Variants in GRIN2B observed in about 807,000 individuals in gnomAD.
GRIN2B encodes the protein glutamate ionotropic receptor NMDA type subunit 2B, also known as glutamate receptor ionotropic, NMDA 2B.
GRIN2B carries 5 observed loss-of-function variants against 114.5 expected under a neutral mutation model. That is an observed-to-expected ratio of 0.04 (90% CI 0.02 to 0.09). GRIN2B has a LOEUF of 0.09. GRIN2B is among the 10% of genes least tolerant of loss of function. The pLI is 1.00. For synonymous variants in GRIN2B, 787 were observed against 745.1 expected, an observed-to-expected ratio of 1.06 and a Z score of -0.92; for missense variants, 1,108 against 1,943.5, an observed-to-expected ratio of 0.57 and a Z score of 8.08.
At chr12:13,720,221 T>C (rs1950494975) in intron 4 of GRIN2B, among the ~76,000 whole-genome samples, 4 of 152,000 alleles carry the variant, frequency 2.6e-5, no homozygotes, top group Admixed American at 2.6e-4. Flanking sequence ...CTGGCATCTG[T>C]CACAGGGTGT....
intron 4 of GRIN2B, among the ~76,000 whole-genome samples, chr12:13,692,763 T>TC (rs59752187): frequency 1.0e-3 from 56 of 56,252 alleles, no homozygotes; most frequent in Admixed American, 1.4e-3. Context: ...TTCTTTTCTT[T>TC]TTTTTTTTTT....
chr12:13,679,032 G>A (rs1950103977), intron 4 of GRIN2B, among the ~76,000 whole-genome samples: 1 of 151,430 alleles, frequency 6.6e-6, no homozygotes, highest in Non-Finnish European at 1.5e-5. Flanking sequence ...GAAAAGGAAA[G>A]AGGAAGGAAA....
intron 6 of GRIN2B, 77 bp downstream of exon 6, chr12:13,616,378 C>T: frequency 9.5e-7 from 1 of 1,053,406 alleles, no homozygotes; most frequent in Non-Finnish European, 1.5e-6. Flanking sequence ...CCTCAGGTCT[C>T]AGGCCAGCCA....
In GRIN2B at chr12:13,944,008, C is replaced by T. The variant is rs186050380; in HGVS notation, c.-19+35920G>A. ...CTGAATTAATGAATAAATAAATGAG[C>T]ATAAATCCCTTTATCAATATATCCA... is the stretch of plus-strand genomic sequence containing the variant. On this transcript the variant is annotated intron_variant, in intron 2 of 13. Transcript: ENST00000609686. Among the ~76,000 whole-genome samples, 10 of 152,258 alleles carry T rather than the reference C, an allele frequency of 6.6e-5. No homozygotes were observed. In the East Asian group the frequency reaches 1.7e-3, roughly 26 times the overall value.
intron 4 of GRIN2B, among the ~76,000 whole-genome samples, chr12:13,711,054 A>T (rs951399470): frequency 6.6e-6 from 1 of 152,174 alleles, no homozygotes; most frequent in South Asian, 2.1e-4. Context: ...AACAGAACAG[A>T]GCCCTCAGAA....
chr12:13,642,776 TG>T (rs139894825), intron 5 of GRIN2B, among the ~76,000 whole-genome samples: 10,432 of 152,252 alleles, frequency 0.069, 579 homozygotes, highest in African/African-American at 0.15. Context: ...TCTACCGATA[TG>T]ATATTTCAGA....
At chr12:13,565,785 A>G (rs1948631338) in intron 13 of GRIN2B, among the ~76,000 whole-genome samples, 2 of 152,364 alleles carry the variant, frequency 1.3e-5, no homozygotes, top group East Asian at 1.9e-4. Flanking sequence ...GAAATGGGAA[A>G]GAAGAAAGGT....
At chr12:13,579,234 T>C (rs1371812090) in intron 10 of GRIN2B, among the ~76,000 whole-genome samples, 1 of 151,936 alleles carries the variant, frequency 6.6e-6, no homozygotes, top group Non-Finnish European at 1.5e-5. Context: ...TGACAGGAGG[T>C]TGACACAGCT....
At chr12:13,576,825 T>A (rs1286519280) in intron 10 of GRIN2B, among the ~76,000 whole-genome samples, 1 of 152,206 alleles carries the variant, frequency 6.6e-6, no homozygotes, top group Admixed American at 6.5e-5. Context: ...GGTGCTAGGG[T>A]TACAGGCGAG....
chr12:13,544,156 T>G lies in GRIN2B; in HGVS notation c.*18627A>C, dbSNP rs1948316494. The G allele has an allele frequency of 6.6e-6, 1 of 152,202 alleles. No individual in the cohort carries two copies. Among genetic ancestry groups the G allele is most frequent in the Non-Finnish European group, 1.5e-5 (1 of 68,046 alleles). 9.4% of individuals were successfully genotyped at this position (152,202 alleles called of 1,614,324 possible). A position where few individuals can be genotyped will look rare whatever the true frequency, so the allele number is the denominator to read the frequency against. ...ACTCCTAAAGCGTTGCCTATTCCTG[T>G]TGTCTCTACCTCCTCTCCTTCCCCT... On this transcript the variant is annotated 3_prime_UTR_variant, in exon 14 of 14. Coordinates refer to ENST00000609686, the MANE Select transcript of GRIN2B (RefSeq NM_000834.5).
chr12:13,620,267 C>G (rs1949498014), intron 5 of GRIN2B, among the ~76,000 whole-genome samples: 1 of 152,180 alleles, frequency 6.6e-6, no homozygotes, highest in East Asian at 1.9e-4. Flanking sequence ...AGGTCTGAGG[C>G]ATGGGGAGCA....
At chr12:13,968,619 G>A (rs1451437153) in intron 2 of GRIN2B, among the ~76,000 whole-genome samples, 5 of 152,132 alleles carry the variant, frequency 3.3e-5, no homozygotes, top group Non-Finnish European at 7.3e-5. Flanking sequence ...ACTCCATGTG[G>A]CACCAATATA....
chr12:13,602,645 T>C (rs1036537599), intron 10 of GRIN2B, among the ~76,000 whole-genome samples: 4 of 152,194 alleles, frequency 2.6e-5, no homozygotes, highest in South Asian at 2.1e-4. Context: ...TGCCTGCATA[T>C]TGATTTAAAA....
chr12:13,587,536 G>C (rs1291698474), intron 10 of GRIN2B, among the ~76,000 whole-genome samples: 1 of 151,412 alleles, frequency 6.6e-6, no homozygotes, highest in East Asian at 1.9e-4. Context: ...TAATTTTTTT[G>C]TAAAGACAGA....
chr12:13,784,636 C>T (rs190093256), intron 3 of GRIN2B, among the ~76,000 whole-genome samples: 1 of 152,058 alleles, frequency 6.6e-6, no homozygotes, highest in Non-Finnish European at 1.5e-5. Flanking sequence ...TGTCACTGTG[C>T]TAGTTCCCAG....
intron 5 of GRIN2B, among the ~76,000 whole-genome samples, chr12:13,651,631 C>T (rs979188107): frequency 2.6e-5 from 4 of 152,050 alleles, no homozygotes; most frequent in South Asian, 2.1e-4. Context: ...GAATCCATTG[C>T]TGATATTTCC....
chr12:13,717,806 G>A (rs1319741841), intron 4 of GRIN2B, among the ~76,000 whole-genome samples: 1 of 151,960 alleles, frequency 6.6e-6, no homozygotes, highest in African/African-American at 2.4e-5. Context: ...ACGGAAAATG[G>A]ACTCATTCTT....
intron 2 of GRIN2B, among the ~76,000 whole-genome samples, chr12:13,920,974 GA>G (rs1866812527): frequency 6.6e-6 from 1 of 152,112 alleles, no homozygotes; most frequent in Non-Finnish European, 1.5e-5. Flanking sequence ...CGGCACCAAG[GA>G]TATGTAAAAC....
At chr12:13,864,797 T>A (rs186737205) in intron 3 of GRIN2B, among the ~76,000 whole-genome samples, 143 of 152,284 alleles carry the variant, frequency 9.4e-4, no homozygotes, top group Non-Finnish European at 1.6e-3. Context: ...TTTAAAGCAG[T>A]GGTTGTCAAT....
Sources: gnomAD v4.1 joint callset for allele counts (sites outside exome capture counted in the v4.1 genomes callset) on GRCh38, gnomAD v4.1.1 for gene constraint, MANE v1.5 for transcripts, NCBI Gene and HGNC (gene_info 2026-07-23, HGNC 2026-07-21) for gene names.